PYY: variants seen among roughly 807,000 people sequenced by gnomAD.
The protein encoded by PYY is peptide YY.
PYY carries 12 observed loss-of-function variants against 10.3 expected under a neutral mutation model. The observed-to-expected ratio is 1.17, with a 90% CI of 0.75 to 1.89. The LOEUF (loss-of-function observed/expected upper bound fraction) is 1.89. Ranked by LOEUF, PYY falls within the 40% of genes most tolerant of loss-of-function variation. PYY has a pLI of 0.00. For missense variants in PYY, 141 were observed against 134.0 expected (o/e 1.05, Z -0.26); for synonymous variants, 66 against 62.0 (o/e 1.06, Z -0.30).
chr17:43,975,771 C>T (rs1250703327), intron 1 of PYY, among the ~76,000 whole-genome samples: 23 of 137,902 alleles, frequency 1.7e-4, no homozygotes, highest in Non-Finnish European at 2.2e-4. Flanking sequence ...TATATATATA[C>T]ACACATATAT....
upstream of PYY, chr17:43,957,937 C>G (rs1002133197): frequency 6.5e-6 from 1 of 154,554 alleles, no homozygotes; most frequent in African/African-American, 2.4e-5. Flanking sequence ...CTCCCTCTTA[C>G]CTGAAGCTTC....
intron 1 of PYY, 118 bp from the exon 2 acceptor site, chr17:43,953,601 G>A (rs2143885340): frequency 4.1e-6 from 4 of 986,058 alleles, no homozygotes; most frequent in Middle Eastern, 2.4e-4. Flanking sequence ...ACCGGACCAA[G>A]GCTCAGCCAC....
chr17:43,979,815 A>C (rs1033323996), intron 1 of PYY, among the ~76,000 whole-genome samples: 3 of 152,096 alleles, frequency 2.0e-5, no homozygotes, highest in African/African-American at 7.2e-5. Flanking sequence ...AGGGGAGGGA[A>C]CAACAGGGCC....
chr17:43,990,649 A>C (rs1360997748), intron 1 of PYY, among the ~76,000 whole-genome samples: 2 of 152,108 alleles, frequency 1.3e-5, no homozygotes, highest in African/African-American at 2.4e-5. Context: ...GTTCATTTAT[A>C]ATAGCAAAAA....
At chr17:43,954,364 T>C (rs888006500), upstream of PYY, among the ~76,000 whole-genome samples, 4 of 152,192 alleles carry the variant, frequency 2.6e-5, no homozygotes, top group African/African-American at 9.7e-5. Context: ...GACCACTCTT[T>C]CCAAAAGACA....
At chr17:43,992,779 G>A (rs965302550) in intron 1 of PYY, among the ~76,000 whole-genome samples, 4 of 152,092 alleles carry the variant, frequency 2.6e-5, no homozygotes, top group South Asian at 2.1e-4. Flanking sequence ...CCATCTATTC[G>A]GGAGGCTGAG....
In PYY at chr17:43,952,983, G is replaced by A; in HGVS notation, c.270-3C>T. ...ACCACAGGTCTGGGCCCTCCGACCT[G>A]CGGAAGCGAAGGGGAAGGAATTGGA... is the stretch of plus-strand genomic sequence containing the variant. On this transcript the variant is annotated splice_polypyrimidine_tract_variant and splice_region_variant and intron_variant, in intron 3 of 3. Transcript: ENST00000692052. 1 of 1,567,256 alleles carries A rather than the reference G, an allele frequency of 6.4e-7. No individual in the cohort carries two copies. The highest frequency in any genetic ancestry group is 8.7e-7 in the Non-Finnish European group (1 of 1,155,808).
rs528222559 is a variant in PYY, at chr17:43,997,364, G to T, written c.-463+7027C>A. Among the ~76,000 whole-genome samples, 6 of 152,202 alleles carry T rather than the reference G, an allele frequency of 3.9e-5. 1 individual carries two copies. In the South Asian group the frequency reaches 1.2e-3, roughly 32 times the overall value. On this transcript the variant is annotated intron_variant, in intron 1 of 6. Coordinates refer to the PYY transcript ENST00000360085. Reference sequence around the variant, plus strand: ...GGGTGTTCCAATTTTAAACAGGGTGGTAACACTTGAGCAAACCCTGATGGA... The same window carrying T: ...GGGTGTTCCAATTTTAAACAGGGTGTTAACACTTGAGCAAACCCTGATGGA...
At chr17:43,979,740 G>A (rs1346051460) in intron 1 of PYY, among the ~76,000 whole-genome samples, 1 of 151,396 alleles carries the variant, frequency 6.6e-6, no homozygotes, top group Non-Finnish European at 1.5e-5. Flanking sequence ...GCAGACCAGC[G>A]GTGGGGGGAG....
chr17:43,986,775 C>T (rs1200777433), intron 1 of PYY, among the ~76,000 whole-genome samples: 1 of 152,194 alleles, frequency 6.6e-6, no homozygotes, highest in Non-Finnish European at 1.5e-5. Context: ...TGTTCCTGCC[C>T]TCTGCCCACA....
At chr17:43,960,511 G>A (rs1264973545) in intron 2 of PYY, among the ~76,000 whole-genome samples, 1 of 117,492 alleles carries the variant, frequency 8.5e-6, no homozygotes, top group Non-Finnish European at 1.6e-5. Context: ...CAGCCCGAGG[G>A]ACGAGAGTGA....
chr17:43,997,084 G>A (rs2048996807), intron 1 of PYY, among the ~76,000 whole-genome samples: 1 of 152,010 alleles, frequency 6.6e-6, no homozygotes, highest in Non-Finnish European at 1.5e-5. Flanking sequence ...CTGTCACCAG[G>A]CTGGAGTGCA....
rs1360826709 is a variant in PYY, at chr17:43,987,224, C to T, written c.-463+17167G>A. On this transcript the variant is annotated intron_variant, in intron 1 of 6. Coordinates refer to the PYY transcript ENST00000360085. The surrounding 1 kb of genome is among the most constrained non-coding windows in gnomAD (Gnocchi z 4.0). ...CCCTTATTAATTGCACCTGGAGACT[C>T]CTGAGAAAATGGGGCTTCCCTCCCT... Among the ~76,000 whole-genome samples, 1 of 152,114 alleles carries T rather than the reference C, an allele frequency of 6.6e-6. No individual in the cohort carries two copies. The highest frequency in any genetic ancestry group is 1.5e-5 in the Non-Finnish European group (1 of 67,996).
intron 1 of PYY, among the ~76,000 whole-genome samples, chr17:43,984,450 C>G (rs1158010233): frequency 1.3e-5 from 2 of 152,240 alleles, no homozygotes; most frequent in Non-Finnish European, 2.9e-5. Context: ...GGGGCGCGGG[C>G]CTGCCTGAGA....
In PYY at chr17:43,953,206, G is replaced by A; in HGVS notation, c.189-17C>T. 2.5e-6 allele frequency: 4 copies of A among 1,613,364 alleles called. No homozygotes were observed. The highest frequency in any genetic ancestry group is 2.5e-6 in the Non-Finnish European group (3 of 1,179,484). The stretch of plus-strand genomic sequence containing the variant: ...TTCCCATACCTGGGGGCGGGGAAGG[G>A]AAGAGCGTGGTCAGATCTGGCCACG... On this transcript the variant is annotated splice_polypyrimidine_tract_variant and intron_variant, in intron 2 of 3. Transcript: ENST00000692052.
In PYY at chr17:43,994,730, C is replaced by T. The variant is rs543273363; in HGVS notation, c.-463+9661G>A. On this transcript the variant is annotated intron_variant, in intron 1 of 6. Transcript: ENST00000360085. ...TCCTGCTCCTCTCAACGCCTTTGCC[C>T]CTGATTCCCCCGTTAGGCTGCACCC... 1.1e-4 allele frequency among the ~76,000 whole-genome samples: 17 copies of T among 152,304 alleles called. No homozygotes were observed. The South Asian group carries it at 2.7e-3, about 24-fold the overall frequency.
chr17:43,974,087 T>C (rs2048813367), intron 1 of PYY, among the ~76,000 whole-genome samples: 1 of 152,170 alleles, frequency 6.6e-6, no homozygotes, highest in Admixed American at 6.5e-5. Flanking sequence ...CCTTCTCCCC[T>C]TCCCATTGCA....
intron 1 of PYY, among the ~76,000 whole-genome samples, chr17:43,999,506 G>A (rs1175944008): frequency 6.6e-6 from 1 of 151,902 alleles, no homozygotes; most frequent in Non-Finnish European, 1.5e-5. Flanking sequence ...CACTTTGGGA[G>A]GCTGAGGAGG....
chr17:43,992,378 C>A (rs1424499300), intron 1 of PYY, among the ~76,000 whole-genome samples: 4 of 151,526 alleles, frequency 2.6e-5, no homozygotes, highest in African/African-American at 9.7e-5. Context: ...GTCAGGAGCT[C>A]GAGACCAGCT....
Sources: gnomAD v4.1 joint callset for allele counts (sites outside exome capture counted in the v4.1 genomes callset) on GRCh38, gnomAD v4.1.1 for gene constraint, Gnocchi (gnomAD v3.1) non-coding constraint, MANE v1.5 for transcripts, NCBI Gene and HGNC (gene_info 2026-07-23, HGNC 2026-07-21) for gene names.